NAALADL2: variants seen among roughly 807,000 people sequenced by gnomAD.
The protein encoded by NAALADL2 is inactive N-acetylated-alpha-linked acidic dipeptidase-like protein 2.
Under a neutral mutation model 87.2 loss-of-function variants are expected in NAALADL2, and 76 were observed. The ratio of observed to expected loss-of-function variants is 0.87; its 90% CI spans 0.72 to 1.05. The LOEUF (loss-of-function observed/expected upper bound fraction) is 1.05. Among genes scored for constraint, NAALADL2 ranks in the 50% least tolerant of loss-of-function variants. NAALADL2 has a pLI of 0.00. For missense variants in NAALADL2, 1,089 were observed against 945.8 expected, an observed-to-expected ratio of 1.15 and a Z score of -1.99; for synonymous variants, 354 against 331.0, an observed-to-expected ratio of 1.07 and a Z score of -0.75.
intron 1 of NAALADL2, among the ~76,000 whole-genome samples, chr3:175,042,319 A>T (rs570922718): frequency 9.1e-4 from 138 of 152,212 alleles, no homozygotes; most frequent in African/African-American, 3.2e-3. Flanking sequence ...CTATATATAC[A>T]CCTCATTTTC....
intron 2 of NAALADL2, among the ~76,000 whole-genome samples, chr3:175,190,871 G>C (rs1287357769): frequency 6.6e-6 from 1 of 151,572 alleles, no homozygotes; most frequent in Non-Finnish European, 1.5e-5. Flanking sequence ...CCAGCTACTC[G>C]GGAGGCTGAG....
chr3:175,431,900 C>T (rs1335012334), intron 5 of NAALADL2, among the ~76,000 whole-genome samples: 1 of 151,952 alleles, frequency 6.6e-6, no homozygotes, highest in Non-Finnish European at 1.5e-5. Flanking sequence ...CTCTTAATTA[C>T]CTCATTGCCA....
chr3:175,351,425 T>TA (rs753507034), intron 5 of NAALADL2, among the ~76,000 whole-genome samples: 97 of 151,750 alleles, frequency 6.4e-4, no homozygotes, highest in Non-Finnish European at 1.2e-3. Flanking sequence ...TATGTATGTA[T>TA]ATGCACACAC....
chr3:175,672,999 T>C (rs1407608782), intron 11 of NAALADL2, among the ~76,000 whole-genome samples: 1 of 152,160 alleles, frequency 6.6e-6, no homozygotes, highest in Non-Finnish European at 1.5e-5. Flanking sequence ...GCCATAGTTA[T>C]TTTATGAGGA....
intron 3 of NAALADL2, among the ~76,000 whole-genome samples, chr3:174,785,164 C>G (rs957890257): frequency 6.6e-6 from 1 of 152,054 alleles, no homozygotes; most frequent in Non-Finnish European, 1.5e-5. Flanking sequence ...AGCTTTTGAG[C>G]CCTTCCCCTC....
chr3:175,251,665 A>C (rs184976454), intron 3 of NAALADL2, among the ~76,000 whole-genome samples: 172 of 152,358 alleles, frequency 1.1e-3, no homozygotes, highest in African/African-American at 3.9e-3. Flanking sequence ...TATGTGGAAA[A>C]AATGACTTGG....
intron 13 of NAALADL2, among the ~76,000 whole-genome samples, chr3:175,801,103 A>G (rs1311196091): frequency 6.6e-6 from 1 of 152,116 alleles, no homozygotes; most frequent in African/African-American, 2.4e-5. Context: ...TGCTAGAGAA[A>G]AGTATAAATT....
intron 5 of NAALADL2, among the ~76,000 whole-genome samples, chr3:175,435,018 G>T (rs1422310876): frequency 1.3e-5 from 2 of 151,972 alleles, no homozygotes; most frequent in African/African-American, 4.8e-5. Flanking sequence ...CCAAAGAATA[G>T]AAATGTTTAG....
intron 10 of NAALADL2, among the ~76,000 whole-genome samples, chr3:175,579,716 A>T (rs6767686): frequency 0.92 from 139,965 of 152,232 alleles, 64,420 homozygotes; most frequent in Admixed American, 0.96. Context: ...AATGCGGAGA[A>T]TGTCAAAAAG....
At chr3:175,650,477 T>A (rs1295715501) in intron 11 of NAALADL2, among the ~76,000 whole-genome samples, 1 of 152,214 alleles carries the variant, frequency 6.6e-6, no homozygotes, top group Non-Finnish European at 1.5e-5. Context: ...ATGCAATGGA[T>A]GAATTTTGTG....
At chr3:175,074,776 A>C (rs1716282102) in intron 1 of NAALADL2, among the ~76,000 whole-genome samples, 1 of 151,934 alleles carries the variant, frequency 6.6e-6, no homozygotes. Context: ...CGTGCATGGG[A>C]GTAGACTGAT....
At chr3:175,683,107 A>T (rs1184549768) in intron 11 of NAALADL2, among the ~76,000 whole-genome samples, 1 of 152,064 alleles carries the variant, frequency 6.6e-6, no homozygotes, top group Non-Finnish European at 1.5e-5. Context: ...TTAGAAAACA[A>T]AATGGAAAGC....
chr3:175,515,349 T>G (rs1731689790), intron 9 of NAALADL2, among the ~76,000 whole-genome samples: 2 of 152,152 alleles, frequency 1.3e-5, no homozygotes, highest in Non-Finnish European at 2.9e-5. Flanking sequence ...GCCATTTCTC[T>G]GCAATCATTG....
At chr3:175,766,380 C>T (rs1748682077) in intron 13 of NAALADL2, among the ~76,000 whole-genome samples, 1 of 151,994 alleles carries the variant, frequency 6.6e-6, no homozygotes. Flanking sequence ...CTGAAGACAC[C>T]AAAAGACTCC....
rs563126063 is a variant in NAALADL2 at position 174,674,636 on chromosome 3, T to C, written c.-114-63005T>C. ...TCCTTTTAAATAACTTATCTACCCT[T>C]TTATTGGGCCTAAAGCAGGTGCGAG... On this transcript the variant is annotated intron_variant, in intron 2 of 3. Coordinates refer to the NAALADL2 transcript ENST00000434257. Among the ~76,000 whole-genome samples the C allele has an allele frequency of 9.9e-5, 15 of 152,140 alleles. No homozygotes were observed. The South Asian group carries it at 3.1e-3, about 32-fold the overall frequency.
At chr3:174,672,178 T>A (rs1418857323) in intron 2 of NAALADL2, among the ~76,000 whole-genome samples, 1 of 152,086 alleles carries the variant, frequency 6.6e-6, no homozygotes, top group Non-Finnish European at 1.5e-5. Flanking sequence ...CAATGTTTAC[T>A]TTTTTTCTTT....
intron 13 of NAALADL2, among the ~76,000 whole-genome samples, chr3:175,783,983 C>T (rs1751533668): frequency 7.1e-6 from 1 of 141,386 alleles, no homozygotes; most frequent in Non-Finnish European, 1.5e-5. Context: ...GTCTTTGGCT[C>T]TGTTTATATG....
rs145875194 is a variant in NAALADL2, at chr3:175,188,781, G to A, written c.546-45150G>A. Among the ~76,000 whole-genome samples the A allele has an allele frequency of 4.7e-3, 721 of 152,040 alleles. 2 individuals carry two copies. Among genetic ancestry groups the A allele is most frequent in the African/African-American group, 0.016 (669 of 41,462 alleles). ...GATTCACAGCCTAAACTCTTGCTGC[G>A]TCCTCCCAAAGTCGCCATTGTGTGG... is the stretch of plus-strand genomic sequence containing the variant. On this transcript the variant is annotated intron_variant, in intron 2 of 13. Transcript: ENST00000454872.
At position 175,588,529 on chromosome 3, in the gene NAALADL2, C is replaced by CTTTTTTTTTTTTTT. The variant is rs1430802993; in HGVS notation, c.1800+12346_1800+12347insTTTTTTTTTTTTTT. 2.5e-4 allele frequency among the ~76,000 whole-genome samples: 24 copies of CTTTTTTTTTTTTTT among 94,478 alleles called. 1 individual carries two copies. The highest frequency in any genetic ancestry group is 9.2e-4 in the African/African-American group (23 of 25,022). The allele number at this position is 94,478 out of a possible 152,430, so 62.0% of individuals were successfully genotyped here. On this transcript the variant is annotated intron_variant, in intron 10 of 13. Transcript: ENST00000454872. ...TCAATTTAGGAGACTTTCTTTCTTT[C>CTTTTTTTTTTTTTT]TTTTCTTTTTTTTTTTTTTTTTTTT... is the stretch of plus-strand genomic sequence containing the variant.
Sources: gnomAD v4.1 joint callset for allele counts (sites outside exome capture counted in the v4.1 genomes callset) on GRCh38, gnomAD v4.1.1 for gene constraint, MANE v1.5 for transcripts, NCBI Gene and HGNC (gene_info 2026-07-23, HGNC 2026-07-21) for gene names.